CBR1: variants seen among roughly 807,000 people sequenced by gnomAD.
CBR1 encodes carbonyl reductase 1.
Under a neutral mutation model 10.6 loss-of-function variants are expected in CBR1, and 11 were observed. The observed-to-expected ratio is 1.03, with a 90% confidence interval of 0.65 to 1.71. The LOEUF is 1.71. Ranked by LOEUF, CBR1 falls within the 40% of genes most tolerant of loss-of-function variation. CBR1 has a pLI of 0.00. For synonymous variants in CBR1, 158 were observed against 156.7 expected, an observed-to-expected ratio of 1.01 and a Z score of -0.06; for missense variants, 361 against 368.6, an observed-to-expected ratio of 0.98 and a Z score of 0.17.
rs1327638590 is a variant in CBR1 at position 36,070,171 on chromosome 21, T to G, written c.56T>G (p.Leu19Trp). ...LVTGGNKGIG[L>W]AIVRDLCRLF... ...ACTGGAGGCAACAAGGGCATCGGCT[T>G]GGCCATCGTGCGCGACCTGTGCCGG... Residue 19 changes from leucine to tryptophan, a missense_variant, in exon 1 of 3, where the codon TTG (leucine) becomes TGG (tryptophan). Physicochemically the swap from Leu to Trp is moderately conservative, Grantham distance 61 (BLOSUM62 -2). Transcript: ENST00000290349. 1.3e-6 allele frequency: 2 copies of G among 1,593,072 alleles called. No individual in the cohort carries two copies. The highest frequency in any genetic ancestry group is 1.7e-6 in the Non-Finnish European group (2 of 1,170,566).
At position 36,073,006 on chromosome 21, in the gene CBR1, C is replaced by T. The variant is rs1256003062; in HGVS notation, c.*124C>T. 9.2e-6 allele frequency: 6 copies of T among 650,776 alleles called. No individual in the cohort carries two copies. Among genetic ancestry groups the T allele is most frequent in the Middle Eastern group, 4.2e-4 (1 of 2,376 alleles). The allele number at this position is 650,776 out of a possible 1,614,324, so 40.3% of individuals were successfully genotyped here. A position where few individuals can be genotyped will look rare whatever the true frequency, so the allele number is the denominator to read the frequency against. ...AAAAATGATCTCTTATCAATTAGCA[C>T]TCACTAATGTACTACTAATTGAGCA... On this transcript the variant is annotated 3_prime_UTR_variant, in exon 3 of 3. Transcript: ENST00000290349.
At position 36,072,910 on chromosome 21, in the gene CBR1, C is replaced by A; in HGVS notation, c.*28C>A. The A allele has an allele frequency of 6.5e-7, 1 of 1,528,926 alleles. No homozygotes were observed. The highest frequency in any genetic ancestry group is 1.2e-5 in the South Asian group (1 of 86,086). The allele number at this position is 1,528,926 out of a possible 1,614,324, so 94.7% of individuals were successfully genotyped here. ...TGGGCTCACAGCTCCATCCATGGGC[C>A]CCATTTTGTACCTTGTCCTGAGTTG... On this transcript the variant is annotated 3_prime_UTR_variant, in exon 3 of 3. Coordinates refer to ENST00000290349, the MANE Select transcript of CBR1 (RefSeq NM_001757.4).
chr21:36,071,182 T>G (rs1005696), intron 2 of CBR1, 125 bp downstream of exon 2: 448,542 of 752,678 alleles, frequency 0.6, 136,196 homozygotes, highest in African/African-American at 0.74. Context: ...TCTGTGCTTT[T>G]TCTCCTGCCA....
chr21:36,071,413 C>G (rs2065351392), intron 2 of CBR1: 1 of 594,970 alleles, frequency 1.7e-6, no homozygotes, highest in Non-Finnish European at 3.0e-6. Context: ...AGATCTTATT[C>G]AGGCTGGTGG....
chr21:36,072,355 T>G (rs1601323330), intron 2 of CBR1, 91 bp from the exon 3 acceptor site: 1 of 1,609,594 alleles, frequency 6.2e-7, no homozygotes, highest in Non-Finnish European at 8.5e-7. Context: ...ATATGAAAAT[T>G]TTCTGCTCCA....
chr21:36,072,323 C>T (rs2123837366), intron 2 of CBR1, 123 bp from the exon 3 acceptor site: 1 of 1,583,100 alleles, frequency 6.3e-7, no homozygotes, highest in Middle Eastern at 1.7e-4. Context: ...CCTCTTAGAA[C>T]TCATACCAGT....
At position 36,071,561 on chromosome 21, in the gene CBR1, T is replaced by A. The variant is rs2065352290; in HGVS notation, c.397+504T>A. ...TGCCTTTCCCCACAATCTAAGATATTTCCAGAGGATCCCTATCCTTTTCCC... is the reference window on the plus strand; with the variant it reads ...TGCCTTTCCCCACAATCTAAGATATATCCAGAGGATCCCTATCCTTTTCCC... On this transcript the variant is annotated intron_variant, in intron 2 of 2. Transcript: ENST00000290349. 3 of 567,202 alleles carry A rather than the reference T, an allele frequency of 5.3e-6. No homozygotes were observed. The African/African-American group carries it at 5.6e-5, about 11-fold the overall frequency. The allele number at this position is 567,202 out of a possible 1,614,324, so 35.1% of individuals were successfully genotyped here.
chr21:36,070,853 G>GTTTTTGTTTTTTTTT (rs1568956922), intron 1 of CBR1, 97 bp from the exon 2 acceptor site: 8 of 509,440 alleles, frequency 1.6e-5, no homozygotes, highest in South Asian at 4.6e-5. Context: ...AGGGCACTAA[G>GTTTTTGTTTTTTTTT]TTTTTTTTTT....
At position 36,070,266 on chromosome 21, in the gene CBR1, C is replaced by T. The variant is rs1421450227; in HGVS notation, c.151C>T (p.Gln51Ter). The T allele has an allele frequency of 1.2e-6, 2 of 1,612,046 alleles. No individual in the cohort carries two copies. The highest frequency in any genetic ancestry group is 1.7e-6 in the Non-Finnish European group (2 of 1,179,792). ...TRGQAAVQQL[Q>*]AEGLSPRFHQ... is the part of the protein sequence containing the mutation. ...GGGCCAGGCGGCCGTACAGCAGCTG[C>T]AGGCGGAGGGCCTGAGCCCGCGCTT... Residue 51 changes from glutamine to a stop codon, truncating the protein, a stop_gained, in exon 1 of 3, where the codon CAG becomes TAG. Coordinates refer to ENST00000290349, the MANE Select transcript of CBR1 (RefSeq NM_001757.4). LOFTEE classifies it high-confidence loss of function.
Position 36,070,339 on chromosome 21 carries a change from A to G in CBR1, c.224A>G (p.Asp75Gly). Residue 75 changes from aspartate to glycine, a missense_variant, in exon 1 of 3, where the codon GAC becomes GGC. Asp to Gly is a moderately conservative substitution (Grantham distance 94). Transcript: ENST00000290349. ...CTGCAGAGCATCCGCGCCCTGCGCG[A>G]CTTCCTGCGCAAGGAGTACGGGGGC... ...DDLQSIRALR[D>G]FLRKEYGGLD... The G allele has an allele frequency of 6.2e-7, 1 of 1,613,254 alleles. No individual in the cohort carries two copies. Among genetic ancestry groups the G allele is most frequent in the Non-Finnish European group, 8.5e-7 (1 of 1,179,896 alleles).
chr21:36,070,041 G>A lies in CBR1; in HGVS notation c.-75G>A. 5 of 1,423,108 alleles carry A rather than the reference G, an allele frequency of 3.5e-6. No individual in the cohort carries two copies. Among genetic ancestry groups the A allele is most frequent in the East Asian group, 2.7e-5 (1 of 37,656 alleles). 88.2% of individuals were successfully genotyped at this position (1,423,108 alleles called of 1,614,324 possible). ...CGACCGCCAGACTCGAGCAGTCTCT[G>A]GAACACGCTGCGGGGCTCCCGGGCC... is the stretch of plus-strand genomic sequence containing the variant. On this transcript the variant is annotated 5_prime_UTR_variant, in exon 1 of 3. Coordinates refer to ENST00000290349, the MANE Select transcript of CBR1 (RefSeq NM_001757.4).
rs775330867 is a variant in CBR1, at chr21:36,071,233, T to C, written c.397+176T>C. On this transcript the variant is annotated intron_variant, in intron 2 of 2. Transcript: ENST00000290349. ...TTTGCCTCAGGACTTTGTCCTCACT[T>C]CTCCCACTCCCATGGCCATTCGTCC... The C allele has an allele frequency of 4.3e-6, 3 of 703,944 alleles. No homozygotes were observed. In the African/African-American group the frequency reaches 5.3e-5, roughly 12 times the overall value. 43.6% of individuals were successfully genotyped at this position (703,944 alleles called of 1,614,324 possible). A position where few individuals can be genotyped will look rare whatever the true frequency, so the allele number is the denominator to read the frequency against.
intron 2 of CBR1, chr21:36,071,582 T>C: frequency 1.7e-6 from 1 of 575,786 alleles, no homozygotes; most frequent in Non-Finnish European, 3.1e-6. Context: ...CCCTATCCTT[T>C]TCCCTAAGTC....
Position 36,072,675 on chromosome 21 carries a change from C to G in CBR1, c.627C>G (p.Ala209=). Residue 209 remains alanine, a synonymous_variant, in exon 3 of 3, where the codon GCC becomes GCG. Coordinates refer to ENST00000290349, the MANE Select transcript of CBR1 (RefSeq NM_001757.4). The part of the protein sequence containing the change: ...IGVTVLSRIH[A]RKLSEQRKGD... Reference sequence around the variant, plus strand: ...TCACCGTTCTGTCCAGGATCCACGCCAGGAAACTGAGTGAGCAGAGGAAAG... The same window carrying G: ...TCACCGTTCTGTCCAGGATCCACGCGAGGAAACTGAGTGAGCAGAGGAAAG... The G allele has an allele frequency of 6.2e-7, 1 of 1,613,882 alleles. No homozygotes were observed. Among genetic ancestry groups the G allele is most frequent in the South Asian group, 1.1e-5 (1 of 91,058 alleles).
rs2065364072 is a variant in CBR1 at position 36,072,857 on chromosome 21, C to G, written c.809C>G (p.Ser270Ter). ...GAGGGTCCCCATGGACAATTTGTTT[C>G]AGAGAAGAGAGTTGAACAGTGGTGA... is the stretch of plus-strand genomic sequence containing the variant. ...DAEGPHGQFV[S>*]EKRVEQW The change falls in exon 3 of 3, where the codon TCA (serine) becomes TGA (stop). Residue 270 changes from serine to a stop codon, truncating the protein, a stop_gained. Transcript: ENST00000290349. LOFTEE classifies it high-confidence loss of function. The G allele has an allele frequency of 1.9e-6, 3 of 1,613,498 alleles. No individual in the cohort carries two copies. The highest frequency in any genetic ancestry group is 1.7e-6 in the Non-Finnish European group (2 of 1,179,722).
chr21:36,070,298 G>A lies in CBR1; in HGVS notation c.183G>A (p.Gln61=), dbSNP rs41540715. The A allele has an allele frequency of 4.0e-5, 65 of 1,613,094 alleles. No individual in the cohort carries two copies. Among genetic ancestry groups the A allele is most frequent in the Non-Finnish European group, 5.2e-5 (61 of 1,179,958 alleles). The change falls in exon 1 of 3, where the codon CAG becomes CAA. Residue 61 remains glutamine (Q), a synonymous_variant. Transcript: ENST00000290349. ...QAEGLSPRFH[Q]LDIDDLQSIR... ...AGGGCCTGAGCCCGCGCTTCCACCAGCTGGACATCGACGATCTGCAGAGCA... is the reference window on the plus strand; with the variant it reads ...AGGGCCTGAGCCCGCGCTTCCACCAACTGGACATCGACGATCTGCAGAGCA...
intron 2 of CBR1, chr21:36,071,852 A>G (rs1474995382): frequency 9.1e-6 from 14 of 1,535,916 alleles, no homozygotes; most frequent in Admixed American, 5.9e-5. Context: ...GCCTCTCCCA[A>G]AATCCTTCAG....
At chr21:36,071,964 C>T in intron 2 of CBR1, 1 of 1,535,854 alleles carries the variant, frequency 6.5e-7, no homozygotes, top group South Asian at 1.2e-5. Flanking sequence ...GCTGAAGGTG[C>T]TGGACATGAC....
Position 36,070,140 on chromosome 21 carries a change from C to T in CBR1, c.25C>T (p.Leu9=). MSSGIHVA[L]VTGGNKGIGL... is the part of the protein sequence containing the mutation. ...CATGTCGTCCGGCATCCATGTAGCG[C>T]TGGTGACTGGAGGCAACAAGGGCAT... Residue 9 remains leucine (L), a synonymous_variant, in exon 1 of 3, where the codon CTG becomes TTG. Coordinates refer to ENST00000290349, the MANE Select transcript of CBR1 (RefSeq NM_001757.4). 1 of 1,559,138 alleles carries T rather than the reference C, an allele frequency of 6.4e-7. No individual in the cohort carries two copies. The highest frequency in any genetic ancestry group is 8.7e-7 in the Non-Finnish European group (1 of 1,153,316).
Sources: gnomAD v4.1 joint callset for allele counts on GRCh38, gnomAD v4.1.1 for gene constraint, MANE v1.5 for transcripts, NCBI Gene and HGNC (gene_info 2026-07-23, HGNC 2026-07-21) for gene names.